Variants in PCDHGA10 observed in about 807,000 individuals in gnomAD.
PCDHGA10 encodes the protein protocadherin gamma-A10.
A neutral mutation model predicts 59.5 loss-of-function variants in PCDHGA10; 42 were observed. That is an observed-to-expected ratio of 0.71 (90% CI 0.55 to 0.91). PCDHGA10 has a LOEUF of 0.91. Ranked by LOEUF, PCDHGA10 falls within the 40% of genes least tolerant of loss-of-function variation. The probability of loss-of-function intolerance (pLI) is 0.00; values close to 1 mark genes in which losing one functional copy is unlikely to be tolerated. For synonymous variants in PCDHGA10, 511 were observed against 517.2 expected, an observed-to-expected ratio of 0.99 and a Z score of 0.16; for missense variants, 1,111 against 1,198.2, an observed-to-expected ratio of 0.93 and a Z score of 1.07.
intron 1 of PCDHGA10, chr5:141,428,257 G>A: frequency 1.2e-6 from 1 of 865,864 alleles, no homozygotes; most frequent in Non-Finnish European, 1.9e-6. Context: ...AGACTTCAGT[G>A]ACAGTCCTGT....
intron 2 of PCDHGA10, among the ~76,000 whole-genome samples, chr5:141,495,270 G>C (rs1428903664): frequency 1.3e-5 from 2 of 152,178 alleles, no homozygotes; most frequent in Non-Finnish European, 2.9e-5. Context: ...GCATTTGACC[G>C]GAGGAGGCGG....
rs756144117 is a variant in PCDHGA10, at chr5:141,485,181, G to A, written c.2437-9626G>A. On this transcript the variant is annotated intron_variant, in intron 1 of 3. Transcript: ENST00000398610. This position sits in a 1 kb window ranked among gnomAD's most constrained non-coding sequence, Gnocchi z 5.7. ...AATTAGCGGGCGGCAGCAATGCTCC[G>A]CAAGGTGAGAAGCTGGACAGAAATC... 3.1e-6 allele frequency: 5 copies of A among 1,612,942 alleles called. No individual in the cohort carries two copies. The South Asian group carries it at 4.4e-5, about 14-fold the overall frequency.
chr5:141,423,762 G>GT, intron 1 of PCDHGA10: 1 of 264,254 alleles, frequency 3.8e-6, no homozygotes, highest in Non-Finnish European at 5.6e-6. Context: ...GGGGGGGGGT[G>GT]GGGCGGCATA....
At chr5:141,492,560 G>T (rs2099742000) in intron 1 of PCDHGA10, among the ~76,000 whole-genome samples, 1 of 152,156 alleles carries the variant, frequency 6.6e-6, no homozygotes, top group Non-Finnish European at 1.5e-5. Context: ...CCTGGGGGGC[G>T]GCCTGAGCGA....
At position 141,494,885 on chromosome 5, in the gene PCDHGA10, G is replaced by T; in HGVS notation, c.2495+20G>T. The T allele has an allele frequency of 6.8e-6, 11 of 1,614,082 alleles. No homozygotes were observed. The highest frequency in any genetic ancestry group is 8.5e-6 in the Non-Finnish European group (10 of 1,179,992). Reference sequence around the variant, plus strand: ...CAGCGGGTAGGTGACTGATTCTCCAGCCCACCCTCTTCTCTGCGGCATTTT... The same window carrying T: ...CAGCGGGTAGGTGACTGATTCTCCATCCCACCCTCTTCTCTGCGGCATTTT... On this transcript the variant is annotated intron_variant, in intron 2 of 3. Transcript: ENST00000398610.
rs926009065 is a variant in PCDHGA10, at chr5:141,488,023, AG to A, written c.2437-6782del. ...TCAGATTCTGAAGTACCTTAACTCT[AG>A]GTTACCATTTCCCAAGGGATTGAGG... On this transcript the variant is annotated intron_variant, in intron 1 of 3. Transcript: ENST00000398610. 1.4e-3 allele frequency among the ~76,000 whole-genome samples: 213 copies of A among 152,260 alleles called. 1 individual carries two copies. The highest frequency in any genetic ancestry group is 5.0e-3 in the African/African-American group (208 of 41,542).
chr5:141,427,994 C>T, intron 1 of PCDHGA10: 1 of 1,599,396 alleles, frequency 6.3e-7, no homozygotes, highest in Non-Finnish European at 8.6e-7. Flanking sequence ...CCGATGGCTC[C>T]GCACTCTTCG....
At chr5:141,434,240 T>A (rs979144259) in intron 1 of PCDHGA10, among the ~76,000 whole-genome samples, 1 of 152,336 alleles carries the variant, frequency 6.6e-6, no homozygotes, top group East Asian at 1.9e-4. Flanking sequence ...CTGGACTAGA[T>A]GACTTGGGCA....
intron 2 of PCDHGA10, among the ~76,000 whole-genome samples, chr5:141,496,582 G>A (rs991035985): frequency 1.9e-4 from 29 of 152,100 alleles, no homozygotes; most frequent in Non-Finnish European, 3.5e-4. Flanking sequence ...TTTTAGGAAC[G>A]CAAAGCGCTT....
chr5:141,447,388 T>C (rs1302757515), intron 1 of PCDHGA10, among the ~76,000 whole-genome samples: 3 of 152,166 alleles, frequency 2.0e-5, no homozygotes, highest in African/African-American at 7.2e-5. Flanking sequence ...TCTGCCCACC[T>C]CGGCCTCCCA....
Position 141,431,336 on chromosome 5 carries a change from G to C in PCDHGA10, c.2436+15725G>C, listed in dbSNP as rs1187672228. ...TGGAGCCGACGGTAGTAAGTACCCC[G>C]AATTGGTGCTGAAACGCGCCCTGGA... On this transcript the variant is annotated intron_variant, in intron 1 of 3. Transcript: ENST00000398610. The surrounding 1 kb of genome is among the most constrained non-coding windows in gnomAD (Gnocchi z 4.8). 2.5e-6 allele frequency: 4 copies of C among 1,613,956 alleles called. No individual in the cohort carries two copies. The East Asian group carries it at 6.7e-5, about 27-fold the overall frequency.
chr5:141,494,784 C>T, intron 1 of PCDHGA10, 23 bp from the exon 2 acceptor site: 1 of 1,614,110 alleles, frequency 6.2e-7, no homozygotes, highest in Non-Finnish European at 8.5e-7. Flanking sequence ...TACTCAGCCC[C>T]TTTCCCTCTG....
rs201006002 is a variant in PCDHGA10, at chr5:141,432,497, C to T, written c.2436+16886C>T. 7 of 1,614,062 alleles carry T rather than the reference C, an allele frequency of 4.3e-6. 1 individual carries two copies. In the South Asian group the frequency reaches 6.6e-5, roughly 15 times the overall value. On this transcript the variant is annotated intron_variant, in intron 1 of 3. Transcript: ENST00000398610. This position sits in a 1 kb window ranked among gnomAD's most constrained non-coding sequence, Gnocchi z 6.0. Reference sequence around the variant, plus strand: ...TTCCACTGGCGTGGAGCTGGCTCCCCGCTCCGCAGAGCCCGGCTACCTGGT... The same window carrying T: ...TTCCACTGGCGTGGAGCTGGCTCCCTGCTCCGCAGAGCCCGGCTACCTGGT...
chr5:141,415,953 T>C, intron 1 of PCDHGA10: 3 of 486,080 alleles, frequency 6.2e-6, no homozygotes, highest in Non-Finnish European at 9.4e-6. Context: ...TGGTCACATA[T>C]TGAAACTCCA....
chr5:141,430,635 T>A, intron 1 of PCDHGA10: 3 of 881,948 alleles, frequency 3.4e-6, no homozygotes, highest in Non-Finnish European at 5.0e-6. Flanking sequence ...GAACCATCCC[T>A]GGGAGTATGT....
intron 1 of PCDHGA10, among the ~76,000 whole-genome samples, chr5:141,442,888 GCTTATCA>G (rs776180931): frequency 8.5e-5 from 13 of 152,204 alleles, no homozygotes; most frequent in Non-Finnish European, 1.8e-4. Flanking sequence ...CAGAATCCCT[GCTTATCA>G]CTTCTCCTTC....
At chr5:141,423,674 C>T (rs57195665) in intron 1 of PCDHGA10, 3 of 1,514,742 alleles carry the variant, frequency 2.0e-6, no homozygotes, top group African/African-American at 1.5e-5. Context: ...AGATTTATTT[C>T]TCTGCCTCCT....
chr5:141,456,746 T>C (rs548254725), intron 1 of PCDHGA10, among the ~76,000 whole-genome samples: 51 of 151,874 alleles, frequency 3.4e-4, no homozygotes, highest in African/African-American at 1.0e-3. Context: ...GGGAGCATCA[T>C]GAGGTCAGGA....
chr5:141,423,609 A>G lies in PCDHGA10; in HGVS notation c.2436+7998A>G, dbSNP rs748925693. The G allele has an allele frequency of 5.0e-6, 8 of 1,611,572 alleles. No homozygotes were observed. The South Asian group carries it at 7.7e-5, about 16-fold the overall frequency. ...GTGAGAAAAGCGAGCCACTCTTGAT[A>G]GCTGAAGACTCAGCTATCATTTTAG... On this transcript the variant is annotated intron_variant, in intron 1 of 3. Transcript: ENST00000398610.
Sources: gnomAD v4.1 joint callset for allele counts (sites outside exome capture counted in the v4.1 genomes callset) on GRCh38, gnomAD v4.1.1 for gene constraint, Gnocchi (gnomAD v3.1) non-coding constraint, MANE v1.5 for transcripts, NCBI Gene and HGNC (gene_info 2026-07-23, HGNC 2026-07-21) for gene names.